The following UBA1 variants were observed in gnomAD, a reference collection of about 807,000 sequenced individuals.
UBA1 encodes ubiquitin-like modifier-activating enzyme 1.
A neutral mutation model predicts 84.7 loss-of-function variants in UBA1; 4 were observed. The observed-to-expected ratio is 0.05, with a 90% CI of 0.02 to 0.11. The LOEUF is 0.11. UBA1 is among the 10% of genes least tolerant of loss of function. The pLI is 1.00. For synonymous variants in UBA1, 364 were observed against 362.6 expected (o/e 1.00, Z -0.04); for missense variants, 513 against 902.8 (o/e 0.57, Z 5.53).
chrX:47,214,521 C>A lies in UBA1; in HGVS notation c.2941-16C>A. ...TGTCCACCTCCATGACCCTGCTGTT[C>A]CCCCTCCCTCTCCAGACAGAGCACA... is the stretch of plus-strand genomic sequence containing the variant. On this transcript the variant is annotated splice_polypyrimidine_tract_variant and intron_variant, in intron 24 of 25. Transcript: ENST00000335972. 1 of 1,206,245 alleles carries A rather than the reference C, an allele frequency of 8.3e-7. No homozygotes were observed. Among genetic ancestry groups the A allele is most frequent in the South Asian group, 1.8e-5 (1 of 56,797 alleles).
At position 47,206,000 on chromosome X, in the gene UBA1, T is replaced by C; in HGVS notation, c.1628T>C (p.Ile543Thr). The C allele has an allele frequency of 8.3e-7, 1 of 1,204,912 alleles. No homozygotes were observed. The highest frequency in any genetic ancestry group is 2.3e-4 in the Middle Eastern group (1 of 4,341). The part of the protein sequence containing the change: ...AAAVRQMNPH[I>T]RVTSHQNRVG... Reference sequence around the variant, plus strand: ...GCTGTGCGCCAAATGAATCCACATATCCGGGTGACAAGCCACCAGAACCGT... The same window carrying C: ...GCTGTGCGCCAAATGAATCCACATACCCGGGTGACAAGCCACCAGAACCGT... Residue 543 changes from isoleucine (I) to threonine (T), a missense_variant, in exon 15 of 26, where the codon ATC (isoleucine) becomes ACC (threonine). Ile to Thr is a moderately conservative substitution (Grantham distance 89, BLOSUM62 -1). Around this residue, in one of 6 missense-constraint regions of UBA1, gnomAD observed 55 missense variants for 104.8 expected, o/e 0.52. Transcript: ENST00000335972.
rs782759623 is a variant in UBA1 at position 47,202,293 on chromosome X, T to C, written c.909+40T>C. The C allele has an allele frequency of 2.5e-6, 3 of 1,205,046 alleles. No individual in the cohort carries two copies. The East Asian group carries it at 8.9e-5, about 36-fold the overall frequency. ...GGGATCAGTGGGCTGTGGGGGGTGG[T>C]TCTAGGCATTCCCTAGTTCTCCATT... On this transcript the variant is annotated intron_variant, in intron 9 of 25. Transcript: ENST00000335972.
At chrX:47,207,939 C>T (rs1556791676) in intron 16 of UBA1, among the ~76,000 whole-genome samples, 2 of 112,163 alleles carry the variant, frequency 1.8e-5, no homozygotes, top group African/African-American at 6.5e-5. Context: ...TTGCTCATTT[C>T]TTCCTAGCAA....
intron 2 of UBA1, 64 bp from the exon 3 acceptor site, chrX:47,198,984 G>A: frequency 4.2e-6 from 5 of 1,204,728 alleles, no homozygotes; most frequent in Non-Finnish European, 5.6e-6. Flanking sequence ...TTGTATCACT[G>A]TCTGTCTATC....
chrX:47,198,468 A>G, intron 1 of UBA1: 2 of 373,990 alleles, frequency 5.3e-6, no homozygotes, highest in Non-Finnish European at 9.2e-6. Flanking sequence ...TCTGTCCTGA[A>G]TCCACATCCT....
At chrX:47,199,150 T>C (rs782546801) in intron 3 of UBA1, 44 bp downstream of exon 3, 2 of 1,211,770 alleles carry the variant, frequency 1.7e-6, no homozygotes, top group Admixed American at 2.2e-5. Flanking sequence ...GAATGGGACA[T>C]TGAGAGGATA....
intron 1 of UBA1, among the ~76,000 whole-genome samples, chrX:47,195,871 C>G (rs1373809587): frequency 1.8e-5 from 2 of 110,825 alleles, no homozygotes; most frequent in African/African-American, 6.6e-5. Context: ...GTCAGATACA[C>G]CTCTCCTCTT....
At chrX:47,194,698 A>G (rs1936139229) in intron 1 of UBA1, among the ~76,000 whole-genome samples, 1 of 111,104 alleles carries the variant, frequency 9.0e-6, no homozygotes, top group Non-Finnish European at 1.9e-5. Context: ...AGCATCTTCC[A>G]TCAGAGACTC....
intron 18 of UBA1, among the ~76,000 whole-genome samples, chrX:47,210,486 G>A (rs781899522): frequency 2.7e-5 from 3 of 111,826 alleles, no homozygotes; most frequent in South Asian, 3.7e-4. Flanking sequence ...CAGTTTCCTC[G>A]TCTGTGAAGT....
intron 16 of UBA1, 193 bp from the exon 17 acceptor site, chrX:47,209,430 A>C: frequency 1.9e-6 from 1 of 525,900 alleles, no homozygotes; most frequent in Non-Finnish European, 3.5e-6. Flanking sequence ...CTGGGATTAC[A>C]GGTGTGAGCT....
intron 18 of UBA1, 32 bp from the exon 19 acceptor site, chrX:47,210,810 G>T: frequency 8.4e-7 from 1 of 1,197,381 alleles, no homozygotes; most frequent in East Asian, 3.0e-5. Flanking sequence ...TCACTCTCAG[G>T]TCCTGTTCTC....
At position 47,200,991 on chromosome X, in the gene UBA1, G is replaced by C; in HGVS notation, c.578G>C (p.Gly193Ala). 1 of 1,196,108 alleles carries C rather than the reference G, an allele frequency of 8.4e-7. No homozygotes were observed. ...GIKLVVADTRGLFGQLFCDFG... is the reference protein window; with the variant it reads ...GIKLVVADTRALFGQLFCDFG... ...AAGCTGGTGGTGGCAGACACGCGGG[G>C]CCTGTTTGGGTGAGTGGCAGCCCAC... The change falls in exon 6 of 26, where the codon GGC becomes GCC. Residue 193 changes from glycine to alanine, a missense_variant. Physicochemically the swap from Gly to Ala is moderately conservative, Grantham distance 60. Around this residue, in one of 6 missense-constraint regions of UBA1, gnomAD observed 227 missense variants for 339.1 expected, o/e 0.67. Coordinates refer to ENST00000335972, the MANE Select transcript of UBA1 (RefSeq NM_003334.4).
chrX:47,210,011 T>G lies in UBA1; in HGVS notation c.2087T>G (p.Val696Gly). 4 of 1,211,580 alleles carry G rather than the reference T, an allele frequency of 3.3e-6. No homozygotes were observed. The highest frequency in any genetic ancestry group is 4.5e-6 in the Non-Finnish European group (4 of 895,046). ...EVLEAVQRSLVLQRPQTWADC... is the reference protein window; with the variant it reads ...EVLEAVQRSLGLQRPQTWADC... ...CTGGAGGCTGTGCAGCGCAGCCTGG[T>G]GCTGCAGCGACCACAGACCTGGGCT... The change falls in exon 18 of 26, where the codon GTG (valine) becomes GGG (glycine). Residue 696 changes from valine to glycine, a missense_variant. Val to Gly is a moderately radical substitution (Grantham distance 109). Around this residue, in one of 6 missense-constraint regions of UBA1, gnomAD observed 40 missense variants for 138.3 expected, o/e 0.29. Transcript: ENST00000335972.
chrX:47,209,511 A>G, intron 16 of UBA1, 112 bp from the exon 17 acceptor site: 4 of 709,057 alleles, frequency 5.6e-6, no homozygotes, highest in Non-Finnish European at 8.9e-6. Flanking sequence ...CCACTTCCAG[A>G]GTAGCTGTGC....
intron 8 of UBA1, 33 bp from the exon 9 acceptor site, chrX:47,202,123 G>T: frequency 8.8e-7 from 1 of 1,141,424 alleles, no homozygotes; most frequent in Non-Finnish European, 1.2e-6. Flanking sequence ...GGGAGAATGG[G>T]TAGACTGACA....
rs1556789036 is a variant in UBA1, at chrX:47,203,063, C to A, written c.1338+16C>A. On this transcript the variant is annotated intron_variant, in intron 12 of 25. Coordinates refer to ENST00000335972, the MANE Select transcript of UBA1 (RefSeq NM_003334.4). ...GTGCCTCCAGGTATGTGGGTGGGAC[C>A]TGTGGGGAGGGCATCATTGGGGACA... The A allele has an allele frequency of 2.5e-5, 30 of 1,204,247 alleles. No homozygotes were observed. The highest frequency in any genetic ancestry group is 3.5e-5 in the African/African-American group (2 of 57,177).
At chrX:47,194,971 T>A (rs1416239638) in intron 1 of UBA1, among the ~76,000 whole-genome samples, 1 of 111,627 alleles carries the variant, frequency 9.0e-6, no homozygotes, top group African/African-American at 3.3e-5. Flanking sequence ...GAGCATCTGC[T>A]CTTGCAGATC....
chrX:47,206,770 C>T, intron 16 of UBA1: 1 of 312,678 alleles, frequency 3.2e-6, no homozygotes, highest in Non-Finnish European at 5.7e-6. Flanking sequence ...GTAGATTTTT[C>T]TTCTTTGTGC....
At chrX:47,203,455 T>C (rs1015365886) in intron 13 of UBA1, 86 bp from the exon 14 acceptor site, 122 of 1,102,557 alleles carry the variant, frequency 1.1e-4, no homozygotes, top group Non-Finnish European at 1.4e-4. Flanking sequence ...TCCCCGTCTC[T>C]CAGGGGAGTG....
Sources: gnomAD v4.1 joint callset for allele counts (sites outside exome capture counted in the v4.1 genomes callset) on GRCh38, gnomAD v4.1.1 for gene constraint, gnomAD v4.1.1 regional missense constraint, MANE v1.5 for transcripts, NCBI Gene and HGNC (gene_info 2026-07-23, HGNC 2026-07-21) for gene names.